ICE2: variants seen among roughly 807,000 people sequenced by gnomAD.
ICE2 encodes the protein interactor of little elongation complex ELL subunit 2.
In ICE2, 87 loss-of-function variants were observed where a neutral mutation model predicts 105.4. The observed-to-expected ratio is 0.83, with a 90% CI of 0.69 to 0.99. The LOEUF (loss-of-function observed/expected upper bound fraction) is 0.99. Ranked by LOEUF, ICE2 falls within the 50% of genes least tolerant of loss-of-function variation. The probability of loss-of-function intolerance (pLI) is 0.00; values close to 1 mark genes in which losing one functional copy is unlikely to be tolerated. For missense variants in ICE2, 1,323 were observed against 1,146.7 expected, an observed-to-expected ratio of 1.15 and a Z score of -2.22; for synonymous variants, 399 against 392.0, an observed-to-expected ratio of 1.02 and a Z score of -0.21.
At chr15:60,459,064 T>A (rs2064203785) in intron 5 of ICE2, among the ~76,000 whole-genome samples, 1 of 152,156 alleles carries the variant, frequency 6.6e-6, no homozygotes, top group Admixed American at 6.5e-5. Context: ...GTAAATGTAT[T>A]TAACGTTATT....
chr15:60,477,864 A>T (rs975928615), intron 2 of ICE2, 73 bp downstream of exon 2: 110 of 1,299,234 alleles, frequency 8.5e-5, no homozygotes, highest in Non-Finnish European at 1.1e-4. Context: ...TATGCCAGAA[A>T]TCTATTTTCT....
chr15:60,424,533 G>C (rs558170953), intron 15 of ICE2, among the ~76,000 whole-genome samples: 357 of 145,026 alleles, frequency 2.5e-3, no homozygotes, highest in African/African-American at 8.3e-3. Context: ...TTGAGACAGA[G>C]TCTCGCTCTG....
chr15:60,466,444 T>G lies in ICE2; in HGVS notation c.528+150A>C, dbSNP rs571367172. 5 of 749,398 alleles carry G rather than the reference T, an allele frequency of 6.7e-6. 1 individual carries two copies. Among genetic ancestry groups the G allele is most frequent in the Middle Eastern group, 7.5e-4 (2 of 2,658 alleles). The allele number at this position is 749,398 out of a possible 1,614,324, so 46.4% of individuals were successfully genotyped here. On this transcript the variant is annotated intron_variant, in intron 5 of 15. Transcript: ENST00000261520. ...AATTTTGAGATGTTAGTTTTTCTAC[T>G]ATTTTAATGCATGATGAAGAAAAGA...
Position 60,422,480 on chromosome 15 carries a change from C to T in ICE2, c.*1154G>A, listed in dbSNP as rs538630511. On this transcript the variant is annotated 3_prime_UTR_variant, in exon 16 of 16. Transcript: ENST00000261520. ...CTACAGCAACATCAGTTGATTATGC[C>T]CTTTTCCAAATTCATCTGCAGGCCC... The T allele has an allele frequency of 2.0e-5, 3 of 152,188 alleles. No individual in the cohort carries two copies. Among genetic ancestry groups the T allele is most frequent in the African/African-American group, 4.8e-5 (2 of 41,474 alleles). The allele number at this position is 152,188 out of a possible 1,614,324, so 9.4% of individuals were successfully genotyped here. A position where few individuals can be genotyped will look rare whatever the true frequency, so the allele number is the denominator to read the frequency against.
chr15:60,477,657 A>C (rs1014388908), intron 2 of ICE2, among the ~76,000 whole-genome samples: 2 of 152,228 alleles, frequency 1.3e-5, no homozygotes, highest in Non-Finnish European at 2.9e-5. Flanking sequence ...AAATTCCAGT[A>C]TCTCTCCTTC....
intron 14 of ICE2, among the ~76,000 whole-genome samples, chr15:60,428,972 C>G (rs930888372): frequency 2.6e-5 from 4 of 152,096 alleles, no homozygotes; most frequent in African/African-American, 9.7e-5. Context: ...AACAGTGTGC[C>G]TAATTCTCTA....
chr15:60,470,213 A>G (rs1209393032), intron 3 of ICE2, among the ~76,000 whole-genome samples: 2 of 152,220 alleles, frequency 1.3e-5, no homozygotes, highest in Non-Finnish European at 2.9e-5. Context: ...TAGACAAGTC[A>G]ATGAAGAAGA....
chr15:60,464,154 G>C (rs2064356094), intron 5 of ICE2, among the ~76,000 whole-genome samples: 1 of 152,082 alleles, frequency 6.6e-6, no homozygotes, highest in South Asian at 2.1e-4. Context: ...AATACAACTT[G>C]GAGAAAATGT....
Position 60,449,386 on chromosome 15 carries a change from T to A in ICE2, c.1581A>T (p.Lys527Asn). ...GTAATATATCTATAGTCATATCATTTTTATTAGAAGTTTCAATTTCCTGAG... is the reference window on the plus strand; with the variant it reads ...GTAATATATCTATAGTCATATCATTATTATTAGAAGTTTCAATTTCCTGAG... ...ENSQEIETSNKNDMTIDILHA... is the reference protein window; with the variant it reads ...ENSQEIETSNNNDMTIDILHA... The change falls in exon 10 of 16, where the codon AAA becomes AAT. Residue 527 changes from lysine (K) to asparagine (N), a missense_variant. Coordinates refer to ENST00000261520, the MANE Select transcript of ICE2 (RefSeq NM_024611.6). 1 of 1,613,140 alleles carries A rather than the reference T, an allele frequency of 6.2e-7. No individual in the cohort carries two copies. The highest frequency in any genetic ancestry group is 8.5e-7 in the Non-Finnish European group (1 of 1,179,516).
chr15:60,425,170 T>G (rs1263102383), intron 15 of ICE2, among the ~76,000 whole-genome samples: 1 of 152,204 alleles, frequency 6.6e-6, no homozygotes, highest in Non-Finnish European at 1.5e-5. Context: ...CTACTGTCCC[T>G]TTAAAAAGCA....
At chr15:60,448,642 C>T (rs17270146) in intron 10 of ICE2, among the ~76,000 whole-genome samples, 37,360 of 152,072 alleles carry the variant, frequency 0.25, 4,931 homozygotes, top group Middle Eastern at 0.44. Flanking sequence ...TAAACACAAG[C>T]TGCAAGACCC....
chr15:60,430,882 C>T (rs990702208), intron 14 of ICE2, among the ~76,000 whole-genome samples: 3 of 151,428 alleles, frequency 2.0e-5, no homozygotes, highest in East Asian at 1.9e-4. Context: ...GCTCTATGTT[C>T]TTTTTTTTTC....
At chr15:60,467,471 G>A (rs569921608) in intron 4 of ICE2, among the ~76,000 whole-genome samples, 223 of 152,268 alleles carry the variant, frequency 1.5e-3, no homozygotes, top group African/African-American at 5.2e-3. Context: ...CAATATTAGT[G>A]AAGATAGTTT....
chr15:60,458,783 G>T (rs2064195902), intron 5 of ICE2, among the ~76,000 whole-genome samples: 1 of 151,896 alleles, frequency 6.6e-6, no homozygotes, highest in Non-Finnish European at 1.5e-5. Context: ...GCCTTAAAAA[G>T]GAAAGAAATT....
chr15:60,451,366 T>G (rs1041301533), intron 9 of ICE2: 1 of 937,792 alleles, frequency 1.1e-6, no homozygotes, highest in Non-Finnish European at 1.3e-6. Flanking sequence ...AATCTCAATA[T>G]AGACCAAAGC....
chr15:60,425,722 T>C (rs1047249332), intron 15 of ICE2, among the ~76,000 whole-genome samples: 4 of 152,166 alleles, frequency 2.6e-5, no homozygotes, highest in Non-Finnish European at 5.9e-5. Flanking sequence ...ACCATGAAAA[T>C]ATGCAGATGA....
chr15:60,456,498 C>G (rs1434931542), intron 6 of ICE2, among the ~76,000 whole-genome samples, 159 bp downstream of exon 6: 1 of 141,192 alleles, frequency 7.1e-6, no homozygotes, highest in Non-Finnish European at 1.5e-5. Flanking sequence ...GAGCCGAGAT[C>G]ATGCCATTAC....
At chr15:60,465,892 C>T (rs2064412541) in intron 5 of ICE2, among the ~76,000 whole-genome samples, 1 of 151,660 alleles carries the variant, frequency 6.6e-6, no homozygotes, top group African/African-American at 2.4e-5. Flanking sequence ...GCTGGGATTA[C>T]AAGCGCCCAC....
chr15:60,451,586 G>A (rs2063967345), intron 9 of ICE2: 12 of 984,356 alleles, frequency 1.2e-5, no homozygotes, highest in Non-Finnish European at 1.3e-5. Flanking sequence ...GGCAAAAAAA[G>A]CATTATCATC....
Sources: gnomAD v4.1 joint callset for allele counts (sites outside exome capture counted in the v4.1 genomes callset) on GRCh38, gnomAD v4.1.1 for gene constraint, MANE v1.5 for transcripts, NCBI Gene and HGNC (gene_info 2026-07-23, HGNC 2026-07-21) for gene names.